ATP9B: variants seen among roughly 807,000 people sequenced by gnomAD.
The protein encoded by ATP9B is probable phospholipid-transporting ATPase IIB.
A neutral mutation model predicts 146.1 loss-of-function variants in ATP9B; 110 were observed. The observed-to-expected ratio is 0.75, with a 90% CI of 0.65 to 0.88. The LOEUF (loss-of-function observed/expected upper bound fraction) is 0.88. Among genes scored for constraint, ATP9B ranks in the 40% least tolerant of loss-of-function variants. The pLI, the probability that ATP9B is intolerant of heterozygous loss-of-function variation, is 0.00. For synonymous variants in ATP9B, 604 were observed against 569.7 expected, an observed-to-expected ratio of 1.06 and a Z score of -0.86; for missense variants, 1,499 against 1,496.4, an observed-to-expected ratio of 1.00 and a Z score of -0.03.
At position 79,143,810 on chromosome 18, in the gene ATP9B, CAAGTT is replaced by C. The variant is rs1431644226; in HGVS notation, c.680_684del (p.Val227GlufsTer26). The C allele has an allele frequency of 6.3e-6, 10 of 1,575,632 alleles. No homozygotes were observed. The highest frequency in any genetic ancestry group is 1.9e-5 in the Admixed American group (1 of 52,252). On this transcript the variant is annotated frameshift_variant, in exon 6 of 30. Transcript: ENST00000426216. LOFTEE classifies it high-confidence loss of function. ...CTTCTTCTTTTTTTAAGGTAAAGTG[CAAGTT>C]AAGAGTTCAGACATACAAGTTGGAG... is the stretch of plus-strand genomic sequence containing the variant.
intron 10 of ATP9B, among the ~76,000 whole-genome samples, chr18:79,208,191 A>G (rs993802999): frequency 6.6e-6 from 1 of 152,088 alleles, no homozygotes; most frequent in East Asian, 1.9e-4. Context: ...CTTGCAGTGA[A>G]CCGAGATCGC....
chr18:79,341,594 C>T (rs1422255602), intron 19 of ATP9B, among the ~76,000 whole-genome samples: 6 of 145,904 alleles, frequency 4.1e-5, no homozygotes, highest in Non-Finnish European at 7.5e-5. Flanking sequence ...CCTGTGTTGC[C>T]GACACACCAT....
intron 4 of ATP9B, among the ~76,000 whole-genome samples, chr18:79,116,940 T>TAAAAAAAAAAAAAAAAAAAAAAAAAA (rs377608135): frequency 9.4e-6 from 1 of 106,802 alleles, no homozygotes; most frequent in African/African-American, 3.6e-5. Context: ...AAAAAAAAAT[T>TAAAAAAAAAAAAAAAAAAAAAAAAAA]AAAAAAAAAA....
At position 79,337,362 on chromosome 18, in the gene ATP9B, G is replaced by A. The variant is rs1303182923; in HGVS notation, c.2196G>A (p.Met732Ile). 1 of 1,614,130 alleles carries A rather than the reference G, an allele frequency of 6.2e-7. No homozygotes were observed. The highest frequency in any genetic ancestry group is 8.5e-7 in the Non-Finnish European group (1 of 1,180,038). ...AAVVESLERE[M>I]ELLCLTGVED... ...TAGTCGAGAGCCTGGAGAGGGAGAT[G>A]GAACTGCTGTGCCTCACCGGCGTGG... The change falls in exon 19 of 30, where the codon ATG (methionine) becomes ATA (isoleucine). Residue 732 changes from methionine to isoleucine, a missense_variant. Coordinates refer to ENST00000426216, the MANE Select transcript of ATP9B (RefSeq NM_198531.5).
chr18:79,233,652 C>T (rs2095812827), intron 11 of ATP9B, among the ~76,000 whole-genome samples: 1 of 152,138 alleles, frequency 6.6e-6, no homozygotes, highest in South Asian at 2.1e-4. Context: ...TGTTGATGAA[C>T]AGGAGGAATA....
Position 79,213,953 on chromosome 18 carries a change from T to G in ATP9B, c.1031-9T>G. On this transcript the variant is annotated splice_polypyrimidine_tract_variant and intron_variant, in intron 10 of 29. Coordinates refer to ENST00000426216, the MANE Select transcript of ATP9B (RefSeq NM_198531.5). Reference sequence around the variant, plus strand: ...TATTTCTACAAGGACCACTTTCATGTTTTTGCAGGTACTGTAATAGGTGTT... The same window carrying G: ...TATTTCTACAAGGACCACTTTCATGGTTTTGCAGGTACTGTAATAGGTGTT... 1 of 1,586,876 alleles carries G rather than the reference T, an allele frequency of 6.3e-7. No homozygotes were observed. The highest frequency in any genetic ancestry group is 1.2e-5 in the South Asian group (1 of 85,420).
In ATP9B at chr18:79,096,477, T is replaced by G; in HGVS notation, c.121T>G (p.Tyr41Asp). 1 of 1,613,732 alleles carries G rather than the reference T, an allele frequency of 6.2e-7. No individual in the cohort carries two copies. The highest frequency in any genetic ancestry group is 8.5e-7 in the Non-Finnish European group (1 of 1,179,760). ...PRPGADRHSR[Y>D]QLEDESAHLD... is the part of the protein sequence containing the mutation. ...GCACTCCATTTTTACCCTAACTAGG[T>G]ACCAGCTGGAGGATGAGTCTGCGCA... Residue 41 changes from tyrosine to aspartate, a missense_variant and splice_region_variant, in exon 2 of 30, where the codon TAC (tyrosine) becomes GAC (aspartate). Physicochemically the swap from Tyr to Asp is radical, Grantham distance 160 (BLOSUM62 -3). Coordinates refer to ENST00000426216, the MANE Select transcript of ATP9B (RefSeq NM_198531.5).
intron 6 of ATP9B, among the ~76,000 whole-genome samples, chr18:79,148,528 G>A (rs1255985948): frequency 6.6e-6 from 1 of 152,174 alleles, no homozygotes; most frequent in Admixed American, 6.5e-5. Flanking sequence ...AAGACCATTT[G>A]ACTTAACCCA....
In ATP9B at chr18:79,374,049, C is replaced by A. The variant is rs752232490; in HGVS notation, c.3222C>A (p.Phe1074Leu). The change falls in exon 28 of 30, where the codon TTC becomes TTA. Residue 1074 changes from phenylalanine to leucine, a missense_variant. Coordinates refer to ENST00000426216, the MANE Select transcript of ATP9B (RefSeq NM_198531.5). ...ACTGGCTGATGGTGGTGGCCGAGTT[C>A]CTCAGCTTAGGCTGCTACGTGTCCT... is the stretch of plus-strand genomic sequence containing the variant. ...TWHWLMVVAE[F>L]LSLGCYVSSL... 1 of 1,614,226 alleles carries A rather than the reference C, an allele frequency of 6.2e-7. No homozygotes were observed. Among genetic ancestry groups the A allele is most frequent in the Non-Finnish European group, 8.5e-7 (1 of 1,180,042 alleles).
intron 6 of ATP9B, among the ~76,000 whole-genome samples, chr18:79,151,693 T>C (rs1395811404): frequency 6.6e-6 from 1 of 152,218 alleles, no homozygotes; most frequent in Non-Finnish European, 1.5e-5. Context: ...TTTCAGCCTT[T>C]TAAAATTAGC....
chr18:79,202,752 A>G (rs1361354494), intron 9 of ATP9B, among the ~76,000 whole-genome samples: 1 of 152,242 alleles, frequency 6.6e-6, no homozygotes, highest in African/African-American at 2.4e-5. Context: ...CCATTCCAGA[A>G]CTGAAAGAAA....
intron 1 of ATP9B, among the ~76,000 whole-genome samples, chr18:79,083,479 G>A (rs1056942092): frequency 2.6e-5 from 4 of 152,158 alleles, no homozygotes; most frequent in South Asian, 2.1e-4. Context: ...CAGCTAGCTC[G>A]GTGTCTGCCC....
intron 11 of ATP9B, among the ~76,000 whole-genome samples, chr18:79,238,884 G>A (rs1028871780): frequency 7.2e-5 from 11 of 152,218 alleles, no homozygotes; most frequent in Non-Finnish European, 1.2e-4. Context: ...TGACGCAGAC[G>A]CACTGCTTAG....
chr18:79,201,881 T>A (rs7233555), intron 9 of ATP9B, among the ~76,000 whole-genome samples: 58,699 of 151,350 alleles, frequency 0.39, 11,930 homozygotes, highest in African/African-American at 0.51. Context: ...TTTAAAAAAA[T>A]TTTTTTTTTA....
chr18:79,126,404 C>A (rs757383450), intron 5 of ATP9B, 29 bp downstream of exon 5: 3 of 1,455,314 alleles, frequency 2.1e-6, no homozygotes, highest in South Asian at 2.4e-5. Flanking sequence ...TCCTGCTTAG[C>A]GTTTGCTTAC....
chr18:79,269,879 C>T lies in ATP9B; in HGVS notation c.1269-7175C>T, dbSNP rs148253883. On this transcript the variant is annotated intron_variant, in intron 12 of 29. Coordinates refer to ENST00000426216, the MANE Select transcript of ATP9B (RefSeq NM_198531.5). ...CCTGCGCCTGCTGGCCCTGCCTTCC[C>T]TGAGGCGCATCCTTGCCTCCATAGT... 1.6e-3 allele frequency among the ~76,000 whole-genome samples: 243 copies of T among 152,364 alleles called. 1 individual carries two copies. The highest frequency in any genetic ancestry group is 2.8e-3 in the Non-Finnish European group (193 of 68,036).
At chr18:79,255,036 C>G (rs1176630509) in intron 12 of ATP9B, 1 of 152,006 alleles carries the variant, frequency 6.6e-6, no homozygotes, top group African/African-American at 2.4e-5. Flanking sequence ...GTTGTTGTGT[C>G]CTAGTTAGGA....
At chr18:79,275,127 T>C (rs2145688335) in intron 12 of ATP9B, among the ~76,000 whole-genome samples, 1 of 152,290 alleles carries the variant, frequency 6.6e-6, no homozygotes, top group East Asian at 1.9e-4. Context: ...AGCACATAGA[T>C]AGAAAGCCAT....
chr18:79,333,664 G>A lies in ATP9B; in HGVS notation c.2029-2964G>A, dbSNP rs529304788. 4.6e-5 allele frequency among the ~76,000 whole-genome samples: 7 copies of A among 152,062 alleles called. No individual in the cohort carries two copies. The East Asian group carries it at 1.2e-3, about 25-fold the overall frequency. On this transcript the variant is annotated intron_variant, in intron 17 of 29. Coordinates refer to ENST00000426216, the MANE Select transcript of ATP9B (RefSeq NM_198531.5). ...ACTGTGTGTCATGGTGGCAGGGCAG[G>A]TCTTGGAGGTTACCAAAATAGCCTC...
Sources: gnomAD v4.1 joint callset for allele counts (sites outside exome capture counted in the v4.1 genomes callset) on GRCh38, gnomAD v4.1.1 for gene constraint, MANE v1.5 for transcripts, NCBI Gene and HGNC (gene_info 2026-07-23, HGNC 2026-07-21) for gene names.